Variants in KAZN observed in about 807,000 individuals in gnomAD.
The protein encoded by KAZN is kazrin, periplakin interacting protein.
KAZN carries 40 observed loss-of-function variants against 87.4 expected under a neutral mutation model. That is an observed-to-expected ratio of 0.46 (90% CI 0.36 to 0.60). The LOEUF (loss-of-function observed/expected upper bound fraction) is 0.60. Ranked by LOEUF, KAZN falls within the 20% of genes least tolerant of loss-of-function variation. KAZN has a pLI of 0.00. For missense variants in KAZN, 898 were observed against 1,073.9 expected (o/e 0.84, Z 2.29); for synonymous variants, 466 against 458.3 (o/e 1.02, Z -0.22).
At chr1:14,092,588 TGTACATATAC>T (rs1480334908) in intron 1 of KAZN, among the ~76,000 whole-genome samples, 1 of 127,322 alleles carries the variant, frequency 7.9e-6, no homozygotes, top group Admixed American at 8.1e-5. Context: ...TGTACATATA[TGTACATATAC>T]ACACATATAT....
intron 1 of KAZN, among the ~76,000 whole-genome samples, chr1:14,012,602 C>T (rs1426346882): frequency 6.6e-6 from 1 of 152,138 alleles, no homozygotes; most frequent in African/African-American, 2.4e-5. Flanking sequence ...ATCAGGAGTT[C>T]AAGACCTGCC....
chr1:14,927,967 C>T (rs942101699), intron 1 of KAZN, among the ~76,000 whole-genome samples: 3 of 134,914 alleles, frequency 2.2e-5, no homozygotes, highest in African/African-American at 7.6e-5. Context: ...GCCTTGTCTT[C>T]ATGGGTCCTC....
At chr1:14,961,632 C>G (rs1379332369) in intron 2 of KAZN, among the ~76,000 whole-genome samples, 3 of 152,204 alleles carry the variant, frequency 2.0e-5, no homozygotes, top group African/African-American at 7.2e-5. Flanking sequence ...CATGAAACAT[C>G]TGGGGAAAAC....
chr1:14,710,071 C>T (rs553454937), intron 1 of KAZN, among the ~76,000 whole-genome samples: 44 of 152,280 alleles, frequency 2.9e-4, no homozygotes, highest in South Asian at 2.1e-4. Flanking sequence ...TCAAAGAGAA[C>T]GTGCTGGACA....
chr1:14,215,604 G>T (rs1024903892), intron 2 of KAZN, among the ~76,000 whole-genome samples: 1 of 152,158 alleles, frequency 6.6e-6, no homozygotes, highest in Admixed American at 6.5e-5. Context: ...TTTGGTGAAG[G>T]TTTCCTTTTT....
rs115031993 is a variant in KAZN, at chr1:14,008,337, T to A, written c.91+114581T>A. ...TAGTAGAAGGTATGCATTCATAGAA[T>A]GCTAAAATGTTTTATGAAAAGGAGA... On this transcript the variant is annotated intron_variant, in intron 1 of 16. Transcript: ENST00000636203. Among the ~76,000 whole-genome samples the A allele has an allele frequency of 2.2e-3, 339 of 152,280 alleles. 2 individuals are homozygous for A. Among genetic ancestry groups the A allele is most frequent in the African/African-American group, 7.8e-3 (325 of 41,548 alleles).
intron 1 of KAZN, among the ~76,000 whole-genome samples, chr1:13,923,944 G>A (rs1380235494): frequency 6.6e-6 from 1 of 151,538 alleles, no homozygotes; most frequent in East Asian, 1.9e-4. Flanking sequence ...AAGAGTGGAT[G>A]CTGACCATGC....
intron 13 of KAZN, chr1:15,112,162 G>A (rs1415072704): frequency 7.6e-6 from 4 of 523,668 alleles, no homozygotes; most frequent in African/African-American, 1.9e-5. Flanking sequence ...CAGCTGTGTC[G>A]TCTTGGGCAA....
At chr1:13,925,464 T>A (rs943750789) in intron 1 of KAZN, among the ~76,000 whole-genome samples, 10 of 152,042 alleles carry the variant, frequency 6.6e-5, no homozygotes, top group African/African-American at 2.2e-4. Flanking sequence ...TGGGCAAAGA[T>A]CTGAAAGAGA....
chr1:14,379,062 A>G (rs1205383180), intron 2 of KAZN, among the ~76,000 whole-genome samples: 1 of 31,058 alleles, frequency 3.2e-5, no homozygotes, highest in Non-Finnish European at 8.0e-5. Context: ...CTCAGCCACA[A>G]TACAGCACCA....
intron 2 of KAZN, among the ~76,000 whole-genome samples, chr1:14,387,668 C>T (rs563324327): frequency 5.9e-5 from 9 of 152,052 alleles, no homozygotes; most frequent in Non-Finnish European, 8.8e-5. Context: ...GCAGTCTGCC[C>T]GTTCTCAGAT....
At chr1:14,061,845 C>T (rs547898036) in intron 1 of KAZN, among the ~76,000 whole-genome samples, 18 of 152,056 alleles carry the variant, frequency 1.2e-4, no homozygotes, top group East Asian at 9.7e-4. Context: ...GTGAGAGTTG[C>T]GGACACAAAA....
chr1:14,392,573 C>T (rs1662542177), intron 2 of KAZN, among the ~76,000 whole-genome samples: 1 of 152,124 alleles, frequency 6.6e-6, no homozygotes, highest in Non-Finnish European at 1.5e-5. Flanking sequence ...GATTTCTGAG[C>T]CATGGCTCCA....
At chr1:14,472,949 G>T (rs1184854961) in intron 2 of KAZN, among the ~76,000 whole-genome samples, 3 of 152,166 alleles carry the variant, frequency 2.0e-5, no homozygotes, top group East Asian at 1.9e-4. Context: ...AGAGTAAATT[G>T]CCTGGAATAA....
intron 1 of KAZN, among the ~76,000 whole-genome samples, chr1:14,796,945 G>A (rs1007050895): frequency 2.0e-5 from 3 of 152,218 alleles, no homozygotes; most frequent in African/African-American, 4.8e-5. Context: ...TGGTGAAGAC[G>A]GCCTGATGGA....
At chr1:14,167,646 C>T (rs546143731) in intron 1 of KAZN, among the ~76,000 whole-genome samples, 1 of 152,174 alleles carries the variant, frequency 6.6e-6, no homozygotes, top group South Asian at 2.1e-4. Flanking sequence ...TTGCTTGCAC[C>T]CTGGGGGTGG....
At chr1:14,851,908 C>T (rs188012813) in intron 1 of KAZN, among the ~76,000 whole-genome samples, 53 of 152,308 alleles carry the variant, frequency 3.5e-4, no homozygotes, top group South Asian at 2.1e-3. Flanking sequence ...CCAGCTCACC[C>T]GGAATCCTCA....
intron 2 of KAZN, among the ~76,000 whole-genome samples, chr1:14,373,487 C>T (rs1660669598): frequency 6.6e-6 from 1 of 152,130 alleles, no homozygotes; most frequent in Non-Finnish European, 1.5e-5. Flanking sequence ...CAGACCCTCA[C>T]TTTGGGAAGG....
intron 1 of KAZN, among the ~76,000 whole-genome samples, chr1:14,792,747 G>C (rs527693216): frequency 6.6e-6 from 1 of 152,346 alleles, no homozygotes; most frequent in South Asian, 2.1e-4. Context: ...GGAGGCCGAG[G>C]TAGGCAGATC....
Sources: gnomAD v4.1 joint callset for allele counts (sites outside exome capture counted in the v4.1 genomes callset) on GRCh38, gnomAD v4.1.1 for gene constraint, MANE v1.5 for transcripts, NCBI Gene and HGNC (gene_info 2026-07-23, HGNC 2026-07-21) for gene names.